Variants in AUH observed in about 807,000 individuals in gnomAD.
AUH encodes the protein AU RNA binding methylglutaconyl-CoA hydratase, also known as methylglutaconyl-CoA hydratase, mitochondrial.
In AUH, 29 loss-of-function variants were observed where a neutral mutation model predicts 42.3. The observed-to-expected ratio is 0.69, with a 90% CI of 0.51 to 0.93. The LOEUF (loss-of-function observed/expected upper bound fraction) is 0.93, where lower values mean the gene tolerates loss of function less well. AUH is among the 40% of genes least tolerant of loss of function. The pLI is 0.00. For synonymous variants in AUH, 174 were observed against 166.4 expected, an observed-to-expected ratio of 1.05 and a Z score of -0.35; for missense variants, 452 against 438.1, an observed-to-expected ratio of 1.03 and a Z score of -0.28.
intron 4 of AUH, among the ~76,000 whole-genome samples, chr9:91,320,242 A>G (rs749222234): frequency 4.6e-5 from 7 of 152,348 alleles, no homozygotes; most frequent in Non-Finnish European, 8.8e-5. Flanking sequence ...TAGAATCTGT[A>G]CGTATGCATA....
intron 1 of AUH, among the ~76,000 whole-genome samples, chr9:91,360,837 T>C (rs1281471083): frequency 6.6e-6 from 1 of 152,192 alleles, no homozygotes; most frequent in Non-Finnish European, 1.5e-5. Context: ...ATTAAAACAC[T>C]GGTCCTCTGG....
intron 3 of AUH, among the ~76,000 whole-genome samples, chr9:91,326,201 TTATTAGTCTATTACAAATC>T (rs1829958791): frequency 1.3e-5 from 2 of 152,176 alleles, no homozygotes; most frequent in Admixed American, 1.3e-4. Context: ...CTATTTACCC[TTATTAGTCTATTACAAATC>T]AATCATGCTG....
intron 4 of AUH, among the ~76,000 whole-genome samples, chr9:91,322,578 C>T (rs1344334851): frequency 6.6e-6 from 1 of 152,126 alleles, no homozygotes; most frequent in Non-Finnish European, 1.5e-5. Flanking sequence ...AACAAAACCA[C>T]AGAAGATGCA....
intron 7 of AUH, among the ~76,000 whole-genome samples, chr9:91,218,079 A>G (rs1826930988): frequency 6.6e-6 from 1 of 152,230 alleles, no homozygotes; most frequent in Admixed American, 6.5e-5. Flanking sequence ...TCAATGCTAT[A>G]TTTTGAACTG....
chr9:91,235,482 T>G (rs773518), intron 6 of AUH, among the ~76,000 whole-genome samples: 126,949 of 152,134 alleles, frequency 0.83, 54,551 homozygotes, highest in East Asian at 0.93. Flanking sequence ...GTAAGTATAA[T>G]GTATCTTTTA....
intron 4 of AUH, among the ~76,000 whole-genome samples, chr9:91,299,467 G>A (rs1827615792): frequency 6.6e-6 from 1 of 152,084 alleles, no homozygotes; most frequent in Non-Finnish European, 1.5e-5. Context: ...AAGAGCAGGC[G>A]TGGAAGGGGC....
At chr9:91,301,934 A>G (rs950569980) in intron 4 of AUH, among the ~76,000 whole-genome samples, 1 of 152,208 alleles carries the variant, frequency 6.6e-6, no homozygotes, top group Non-Finnish European at 1.5e-5. Context: ...TGTCTATAAA[A>G]TGTTTCTAAC....
Position 91,318,600 on chromosome 9 carries a change from G to A in AUH, c.505+6718C>T, listed in dbSNP as rs577930173. Among the ~76,000 whole-genome samples, 11 of 152,300 alleles carry A rather than the reference G, an allele frequency of 7.2e-5. 1 individual carries two copies. In the South Asian group the frequency reaches 8.3e-4, roughly 11 times the overall value. On this transcript the variant is annotated intron_variant, in intron 4 of 9. Transcript: ENST00000375731. ...AGGCACCTCCAGAATTCTCTCCCGA[G>A]CAGGATATTACTTCAAGGCCAGAGT...
In AUH at chr9:91,272,644, C is replaced by T. The variant is rs1825238065; in HGVS notation, c.655+23377G>A. ...ATCTTCTGCTTAATTTTTCCATCAC[C>T]ACATTTACTATGGTCTAACATAGTA... is the stretch of plus-strand genomic sequence containing the variant. On this transcript the variant is annotated intron_variant, in intron 6 of 9. Transcript: ENST00000375731. Among the ~76,000 whole-genome samples the T allele has an allele frequency of 2.6e-5, 4 of 152,164 alleles. No homozygotes were observed. The South Asian group carries it at 8.3e-4, about 32-fold the overall frequency.
chr9:91,291,497 T>C (rs1483363980), intron 6 of AUH, among the ~76,000 whole-genome samples: 3 of 152,250 alleles, frequency 2.0e-5, no homozygotes, highest in Non-Finnish European at 2.9e-5. Flanking sequence ...GAATTCTTTT[T>C]AAATTGATCC....
chr9:91,266,582 C>T (rs1829990892), intron 6 of AUH, among the ~76,000 whole-genome samples: 1 of 152,090 alleles, frequency 6.6e-6, no homozygotes, highest in African/African-American at 2.4e-5. Context: ...AAGGATTACA[C>T]AATATCTAGA....
intron 4 of AUH, among the ~76,000 whole-genome samples, chr9:91,302,150 C>A (rs1827831847): frequency 6.6e-6 from 1 of 151,650 alleles, no homozygotes; most frequent in Non-Finnish European, 1.5e-5. Flanking sequence ...TCTAGTATTT[C>A]TTCTACTTGG....
At chr9:91,306,355 T>G in intron 4 of AUH, 2 of 985,366 alleles carry the variant, frequency 2.0e-6, no homozygotes, top group Non-Finnish European at 2.4e-6. Flanking sequence ...TGACTTCTGT[T>G]GATTGCTGTT....
intron 6 of AUH, among the ~76,000 whole-genome samples, chr9:91,225,538 CTTTT>C (rs954897942): frequency 6.6e-6 from 1 of 150,940 alleles, no homozygotes; most frequent in African/African-American, 2.4e-5. Context: ...AGTGCCAGTT[CTTTT>C]TTTTTATTAT....
intron 3 of AUH, among the ~76,000 whole-genome samples, chr9:91,342,396 C>T (rs1042969465): frequency 1.3e-5 from 2 of 152,180 alleles, no homozygotes; most frequent in African/African-American, 2.4e-5. Flanking sequence ...CTCACATCTG[C>T]GAAGTTCCTG....
intron 1 of AUH, among the ~76,000 whole-genome samples, chr9:91,361,314 C>T (rs975603865): frequency 9.2e-5 from 14 of 152,190 alleles, no homozygotes; most frequent in African/African-American, 3.1e-4. Flanking sequence ...GGATTAAATC[C>T]CCAGGGTATA....
In AUH at chr9:91,297,995, A is replaced by G. The variant is rs747475416; in HGVS notation, c.587T>C (p.Ile196Thr). Residue 196 changes from isoleucine to threonine, a missense_variant, in exon 5 of 10, where the codon ATA (isoleucine) becomes ACA (threonine). Coordinates refer to ENST00000375731, the MANE Select transcript of AUH (RefSeq NM_001698.3). ...GGATTAATTCTTACCTGCTACTCGT[A>G]TATCACAGGCTAAAGCCAGTTCAAG... ...GGLELALACD[I>T]RVAASSAKMG... The G allele has an allele frequency of 3.1e-6, 5 of 1,607,148 alleles. No homozygotes were observed. The highest frequency in any genetic ancestry group is 2.7e-5 in the African/African-American group (2 of 74,816).
At chr9:91,336,688 G>GAAAAAAAAAAA (rs1331123176) in intron 3 of AUH, among the ~76,000 whole-genome samples, 2 of 107,792 alleles carry the variant, frequency 1.9e-5, no homozygotes, top group Admixed American at 9.4e-5. Context: ...TCCAGAAAAA[G>GAAAAAAAAAAA]AAAAAAAAAA....
At chr9:91,263,354 T>A (rs1310295382) in intron 6 of AUH, among the ~76,000 whole-genome samples, 1 of 152,246 alleles carries the variant, frequency 6.6e-6, no homozygotes, top group Non-Finnish European at 1.5e-5. Context: ...GCACAAATGT[T>A]TTCAGGAAAA....
Sources: gnomAD v4.1 joint callset for allele counts (sites outside exome capture counted in the v4.1 genomes callset) on GRCh38, gnomAD v4.1.1 for gene constraint, MANE v1.5 for transcripts, NCBI Gene and HGNC (gene_info 2026-07-23, HGNC 2026-07-21) for gene names.